Variants in MAPKAP1 observed in about 807,000 individuals in gnomAD.
MAPKAP1 encodes target of rapamycin complex 2 subunit MAPKAP1.
MAPKAP1 carries 20 observed loss-of-function variants against 65.7 expected under a neutral mutation model. That is an observed-to-expected ratio of 0.30 (90% CI 0.21 to 0.44). The LOEUF (loss-of-function observed/expected upper bound fraction) is 0.44, where lower values mean the gene tolerates loss of function less well. MAPKAP1 is among the 20% of genes least tolerant of loss of function. MAPKAP1 has a pLI of 1.00. For missense variants in MAPKAP1, 423 were observed against 648.0 expected, an observed-to-expected ratio of 0.65 and a Z score of 3.77; for synonymous variants, 222 against 244.3, an observed-to-expected ratio of 0.91 and a Z score of 0.85.
chr9:125,651,448 T>C (rs1833890561), intron 4 of MAPKAP1, among the ~76,000 whole-genome samples: 1 of 151,600 alleles, frequency 6.6e-6, no homozygotes, highest in Non-Finnish European at 1.5e-5. Flanking sequence ...CTATTAAAAA[T>C]TCAAAAATTA....
intron 4 of MAPKAP1, among the ~76,000 whole-genome samples, chr9:125,652,632 G>A (rs992151440): frequency 6.6e-6 from 1 of 152,148 alleles, no homozygotes; most frequent in African/African-American, 2.4e-5. Context: ...CACTTGTCAA[G>A]TCAAACATTC....
chr9:125,602,576 G>C (rs975205699), intron 4 of MAPKAP1, among the ~76,000 whole-genome samples: 1 of 152,172 alleles, frequency 6.6e-6, no homozygotes, highest in Non-Finnish European at 1.5e-5. Flanking sequence ...CAGCTACAAA[G>C]CTGACAGTCT....
intron 4 of MAPKAP1, among the ~76,000 whole-genome samples, chr9:125,617,320 G>A (rs1171955848): frequency 6.6e-6 from 1 of 152,102 alleles, no homozygotes; most frequent in Admixed American, 6.5e-5. Context: ...AATTAGCCAG[G>A]CGTGGTGGCA....
chr9:125,534,252 A>C (rs533698021), intron 7 of MAPKAP1, among the ~76,000 whole-genome samples: 3 of 152,340 alleles, frequency 2.0e-5, no homozygotes, highest in African/African-American at 7.2e-5. Flanking sequence ...AAGAAAAAAA[A>C]CCCAAAGGAT....
At chr9:125,662,690 A>T (rs1834223015) in intron 3 of MAPKAP1, among the ~76,000 whole-genome samples, 1 of 152,194 alleles carries the variant, frequency 6.6e-6, no homozygotes, top group Non-Finnish European at 1.5e-5. Context: ...CTTAAAAAAA[A>T]TAAAAATAAA....
rs550424394 is a variant in MAPKAP1 at position 125,568,278 on chromosome 9, C to T, written c.672-8469G>A. On this transcript the variant is annotated intron_variant, in intron 5 of 11. Transcript: ENST00000265960. Reference sequence around the variant, plus strand: ...AACTGTTATTCTCTTTGGATTAATCCGCCTTGCACTCTTTGCTGATGACTG... The same window carrying T: ...AACTGTTATTCTCTTTGGATTAATCTGCCTTGCACTCTTTGCTGATGACTG... 7.9e-5 allele frequency among the ~76,000 whole-genome samples: 12 copies of T among 152,190 alleles called. No homozygotes were observed. The South Asian group carries it at 1.2e-3, about 16-fold the overall frequency.
chr9:125,542,996 C>A (rs141918014), intron 7 of MAPKAP1, 63 bp downstream of exon 7: 2 of 1,071,430 alleles, frequency 1.9e-6, no homozygotes, highest in Non-Finnish European at 1.5e-6. Context: ...ACACACACCC[C>A]CTATGCCCTT....
At chr9:125,673,252 G>C (rs1157419225) in intron 1 of MAPKAP1, among the ~76,000 whole-genome samples, 1 of 152,160 alleles carries the variant, frequency 6.6e-6, no homozygotes, top group Non-Finnish European at 1.5e-5. Flanking sequence ...TTCTGAGACA[G>C]GGTATCGCGC....
intron 4 of MAPKAP1, among the ~76,000 whole-genome samples, chr9:125,611,544 A>G (rs1832600960): frequency 6.6e-6 from 1 of 152,232 alleles, no homozygotes; most frequent in South Asian, 2.1e-4. Context: ...ATTTTCCAGA[A>G]TGATGAAAGA....
At chr9:125,657,467 G>C (rs111666299) in intron 4 of MAPKAP1, among the ~76,000 whole-genome samples, 184 bp downstream of exon 4, 1,704 of 152,098 alleles carry the variant, frequency 0.011, 40 homozygotes, top group African/African-American at 0.038. Flanking sequence ...TATTACTGTG[G>C]AAACAATACT....
At chr9:125,507,150 CAT>C (rs1829165481) in intron 7 of MAPKAP1, among the ~76,000 whole-genome samples, 1 of 152,218 alleles carries the variant, frequency 6.6e-6, no homozygotes, top group South Asian at 2.1e-4. Flanking sequence ...CCCTGCATCA[CAT>C]AGAGGGTTCT....
intron 6 of MAPKAP1, among the ~76,000 whole-genome samples, chr9:125,546,513 T>C (rs974536309): frequency 3.3e-5 from 5 of 152,220 alleles, no homozygotes; most frequent in African/African-American, 4.8e-5. Context: ...TATGCTCCCA[T>C]TTAACAAGTG....
intron 4 of MAPKAP1, among the ~76,000 whole-genome samples, chr9:125,630,710 G>A (rs1833255399): frequency 6.6e-6 from 1 of 152,126 alleles, no homozygotes; most frequent in South Asian, 2.1e-4. Flanking sequence ...ACCTTATGTT[G>A]AAATCTGATC....
chr9:125,649,365 A>G (rs1833825656), intron 4 of MAPKAP1, among the ~76,000 whole-genome samples: 1 of 152,238 alleles, frequency 6.6e-6, no homozygotes, highest in African/African-American at 2.4e-5. Context: ...AACAATTACA[A>G]TCAACACGTC....
At chr9:125,682,031 G>C (rs1270942512) in intron 1 of MAPKAP1, among the ~76,000 whole-genome samples, 1 of 152,140 alleles carries the variant, frequency 6.6e-6, no homozygotes. Flanking sequence ...CAAAGAGTTG[G>C]GATCACAGGC....
intron 7 of MAPKAP1, among the ~76,000 whole-genome samples, chr9:125,536,690 GAAGA>G (rs1187583252): frequency 6.6e-6 from 1 of 152,158 alleles, no homozygotes; most frequent in Non-Finnish European, 1.5e-5. Flanking sequence ...TACTTTGATA[GAAGA>G]AAGAATACTG....
intron 7 of MAPKAP1, among the ~76,000 whole-genome samples, chr9:125,519,937 A>T (rs1829573181): frequency 6.6e-6 from 1 of 152,058 alleles, no homozygotes; most frequent in African/African-American, 2.4e-5. Flanking sequence ...GGTAGAGAAA[A>T]GGTCTGGATT....
At chr9:125,456,438 G>C (rs1299416881) in intron 10 of MAPKAP1, among the ~76,000 whole-genome samples, 1 of 152,216 alleles carries the variant, frequency 6.6e-6, no homozygotes, top group Non-Finnish European at 1.5e-5. Context: ...AGAGTTCACT[G>C]ATTGTGGCAG....
chr9:125,477,164 G>A (rs915933266), intron 9 of MAPKAP1, among the ~76,000 whole-genome samples: 1 of 152,126 alleles, frequency 6.6e-6, no homozygotes, highest in African/African-American at 2.4e-5. Context: ...TACAGACTCT[G>A]TATATCTTAT....
Sources: allele counts gnomAD v4.1 joint callset (sites outside exome capture counted in the v4.1 genomes callset), GRCh38; gene constraint gnomAD v4.1.1; transcripts MANE v1.5; gene names NCBI Gene and HGNC (gene_info 2026-07-23, HGNC 2026-07-21).